COL21A1: variants seen among roughly 807,000 people sequenced by gnomAD.
The protein encoded by COL21A1 is collagen alpha-1(XXI) chain.
COL21A1 carries 149 observed loss-of-function variants against 137.9 expected under a neutral mutation model. The observed-to-expected ratio is 1.08, with a 90% CI of 0.95 to 1.24. The LOEUF (loss-of-function observed/expected upper bound fraction) is 1.24, where lower values mean the gene tolerates loss of function less well. Among genes scored for constraint, COL21A1 ranks in the 50% most tolerant of loss-of-function variants. COL21A1 has a pLI of 0.00. For missense variants in COL21A1, 1,167 were observed against 1,158.4 expected (o/e 1.01, Z -0.11); for synonymous variants, 456 against 391.5 (o/e 1.16, Z -1.95).
intron 1 of COL21A1, among the ~76,000 whole-genome samples, chr6:56,329,698 G>A (rs1765176331): frequency 6.6e-6 from 1 of 152,012 alleles, no homozygotes; most frequent in Non-Finnish European, 1.5e-5. Context: ...GAACTTGGAA[G>A]GCATCAAACT....
At chr6:56,106,620 G>C (rs1449190205) in intron 16 of COL21A1, among the ~76,000 whole-genome samples, 2 of 151,978 alleles carry the variant, frequency 1.3e-5, no homozygotes, top group African/African-American at 2.4e-5. Context: ...TATTATTACA[G>C]GTCAAAATAT....
At chr6:56,200,533 T>A (rs1442955510) in intron 1 of COL21A1, among the ~76,000 whole-genome samples, 2 of 143,502 alleles carry the variant, frequency 1.4e-5, no homozygotes, top group Admixed American at 1.5e-4. Context: ...AATTCCCACC[T>A]ATGAGTGAGA....
chr6:56,346,677 G>C (rs1765604129), intron 1 of COL21A1, among the ~76,000 whole-genome samples: 1 of 152,122 alleles, frequency 6.6e-6, no homozygotes, highest in Admixed American at 6.6e-5. Flanking sequence ...GTTCAGTATG[G>C]TGTAAAACAG....
intron 1 of COL21A1, among the ~76,000 whole-genome samples, chr6:56,376,392 A>T (rs2093999304): frequency 6.6e-6 from 1 of 152,182 alleles, no homozygotes; most frequent in Non-Finnish European, 1.5e-5. Context: ...TTGGCTGAGA[A>T]AAGAAGCATG....
intron 28 of COL21A1, 37 bp downstream of exon 28, chr6:56,059,981 T>C (rs1374050256): frequency 6.6e-7 from 1 of 1,520,690 alleles, no homozygotes; most frequent in Non-Finnish European, 8.9e-7. Flanking sequence ...AAAAAGACTT[T>C]TTAAAATTCA....
chr6:56,158,713 GA>G (rs981439165), intron 9 of COL21A1, among the ~76,000 whole-genome samples: 1 of 151,540 alleles, frequency 6.6e-6, no homozygotes, highest in Non-Finnish European at 1.5e-5. Context: ...GAAACAACAG[GA>G]AAAAAAATGG....
intron 1 of COL21A1, among the ~76,000 whole-genome samples, chr6:56,285,746 A>G (rs529074491): frequency 1.3e-5 from 2 of 151,894 alleles, no homozygotes; most frequent in East Asian, 3.9e-4. Flanking sequence ...TCCTCTTCCC[A>G]CTCATTAAAA....
At chr6:56,272,171 A>G (rs901945716) in intron 1 of COL21A1, among the ~76,000 whole-genome samples, 1 of 152,186 alleles carries the variant, frequency 6.6e-6, no homozygotes, top group Non-Finnish European at 1.5e-5. Context: ...GGCTGCAGGC[A>G]CTCAACACCA....
chr6:56,288,241 T>A (rs112217238), intron 1 of COL21A1, among the ~76,000 whole-genome samples: 7,576 of 110,202 alleles, frequency 0.069, 264 homozygotes, highest in African/African-American at 0.14. Context: ...TATTACATTT[T>A]AAAAAAATAA....
intron 1 of COL21A1, among the ~76,000 whole-genome samples, chr6:56,185,167 C>A (rs1282868370): frequency 6.8e-6 from 1 of 147,638 alleles, no homozygotes; most frequent in Non-Finnish European, 1.5e-5. Flanking sequence ...AGAAAAACTA[C>A]AATAAAAAAG....
chr6:56,073,231 A>G (rs1274716960), intron 20 of COL21A1, among the ~76,000 whole-genome samples: 5 of 151,432 alleles, frequency 3.3e-5, no homozygotes, highest in Non-Finnish European at 7.4e-5. Context: ...ACCTTGAGAA[A>G]CTGTGGAGAC....
intron 1 of COL21A1, among the ~76,000 whole-genome samples, chr6:56,253,510 G>T (rs73745417): frequency 0.01 from 1,553 of 152,280 alleles, 31 homozygotes; most frequent in African/African-American, 0.035. Flanking sequence ...CCAACACAGA[G>T]AAAAGTAGAA....
chr6:56,089,559 G>T (rs1174787384), intron 17 of COL21A1, among the ~76,000 whole-genome samples: 1 of 151,962 alleles, frequency 6.6e-6, no homozygotes, highest in East Asian at 1.9e-4. Context: ...CCACATATAA[G>T]TGGACCCAAA....
intron 1 of COL21A1, among the ~76,000 whole-genome samples, chr6:56,386,179 C>T (rs547604136): frequency 1.1e-4 from 16 of 152,270 alleles, no homozygotes; most frequent in African/African-American, 3.9e-4. Flanking sequence ...AAACTCCTGA[C>T]CTCAGGCAAT....
intron 16 of COL21A1, among the ~76,000 whole-genome samples, chr6:56,123,476 G>T (rs540604967): frequency 1.3e-5 from 2 of 152,302 alleles, no homozygotes; most frequent in East Asian, 1.9e-4. Context: ...TAGAAAACAA[G>T]ATAACATCCC....
rs538799911 is a variant in COL21A1 at position 56,115,221 on chromosome 6, C to T, written c.1758+8841G>A. ...ATGACGAGTTAGTGGGTGCAGCGCA[C>T]CAGCATGGCACACGTATACATATGT... On this transcript the variant is annotated intron_variant, in intron 16 of 29. Coordinates refer to ENST00000244728, the MANE Select transcript of COL21A1 (RefSeq NM_030820.4). Among the ~76,000 whole-genome samples, 37 of 151,194 alleles carry T rather than the reference C, an allele frequency of 2.4e-4. No individual in the cohort carries two copies. In the South Asian group the frequency reaches 5.7e-3, roughly 23 times the overall value.
At chr6:56,269,538 C>A (rs1225969481) in intron 1 of COL21A1, among the ~76,000 whole-genome samples, 1 of 150,802 alleles carries the variant, frequency 6.6e-6, no homozygotes, top group Non-Finnish European at 1.5e-5. Flanking sequence ...GCCTGTAGTC[C>A]CAGCTACTTG....
chr6:56,293,955 T>C (rs1232196872), intron 1 of COL21A1, among the ~76,000 whole-genome samples: 1 of 152,188 alleles, frequency 6.6e-6, no homozygotes, highest in Non-Finnish European at 1.5e-5. Context: ...TAGCGCCTTT[T>C]GGAATTTATC....
At chr6:56,219,125 G>C (rs746255933) in intron 1 of COL21A1, among the ~76,000 whole-genome samples, 5 of 148,406 alleles carry the variant, frequency 3.4e-5, no homozygotes, top group Non-Finnish European at 7.4e-5. Flanking sequence ...GCAATGAAAA[G>C]TGGATTTTAT....
Sources: allele counts gnomAD v4.1 joint callset (sites outside exome capture counted in the v4.1 genomes callset), GRCh38; gene constraint gnomAD v4.1.1; transcripts MANE v1.5; gene names NCBI Gene and HGNC (gene_info 2026-07-23, HGNC 2026-07-21).